The following GGT1 variants were observed in gnomAD, a reference collection of about 807,000 sequenced individuals.
The protein encoded by GGT1 is glutathione hydrolase 1 proenzyme.
Under a neutral mutation model 56.0 loss-of-function variants are expected in GGT1, and 21 were observed. The ratio of observed to expected loss-of-function variants is 0.38; its 90% CI spans 0.27 to 0.54. GGT1 has a LOEUF of 0.54. Among genes scored for constraint, GGT1 ranks in the 20% least tolerant of loss-of-function variants. GGT1 has a pLI of 0.82. For synonymous variants in GGT1, 238 were observed against 342.6 expected (o/e 0.69, Z 3.37); for missense variants, 466 against 787.0 (o/e 0.59, Z 4.88).
chr22:24,619,484 G>A (rs776902351), intron 7 of GGT1, among the ~76,000 whole-genome samples: 1 of 151,922 alleles, frequency 6.6e-6, no homozygotes, highest in African/African-American at 2.4e-5. Flanking sequence ...TAGGAGGATC[G>A]CTTGAGCCTG....
the GGT1 span, chr22:24,585,858 A>G: frequency 1.3e-6 from 2 of 1,538,746 alleles, no homozygotes; most frequent in Non-Finnish European, 1.7e-6. Flanking sequence ...ATCACAAGTC[A>G]GTAGCAATGA....
rs1402689250 is a variant in GGT1, at chr22:24,596,373, G to C, written c.-324+1487G>C. On this transcript the variant is annotated intron_variant, in intron 1 of 6. Transcript: ENST00000411974. ...GTCTCTTCAGCTTCTGGTGGCTCCT[G>C]GCAATCCTTGGCCTTCCTTGGCTGC... is the stretch of plus-strand genomic sequence containing the variant. 3.3e-5 allele frequency among the ~76,000 whole-genome samples: 5 copies of C among 152,318 alleles called. No individual in the cohort carries two copies. The East Asian group carries it at 7.7e-4, about 24-fold the overall frequency.
At chr22:24,618,941 A>G (rs1037636714) in intron 7 of GGT1, among the ~76,000 whole-genome samples, 9 of 152,116 alleles carry the variant, frequency 5.9e-5, no homozygotes, top group African/African-American at 2.2e-4. Flanking sequence ...TGTGTTTCCA[A>G]TGACCTCCTC....
intron 1 of GGT1, among the ~76,000 whole-genome samples, chr22:24,606,616 G>A (rs1398952010): frequency 6.6e-6 from 1 of 152,162 alleles, no homozygotes; most frequent in Non-Finnish European, 1.5e-5. Flanking sequence ...TCACGGGGAG[G>A]AATAGCCTGG....
Position 24,628,283 on chromosome 22 carries a change from C to G in GGT1, c.1458C>G (p.Ile486Met), listed in dbSNP as rs1407760116. 6.2e-7 allele frequency: 1 copy of G among 1,611,854 alleles called. No homozygotes were observed. The highest frequency in any genetic ancestry group is 1.3e-5 in the African/African-American group (1 of 74,824). The change falls in exon 15 of 16, where the codon ATC (isoleucine) becomes ATG (methionine). Residue 486 changes from isoleucine (I) to methionine (M), a missense_variant. Around this residue, in one of 2 missense-constraint regions of GGT1, gnomAD observed 456 missense variants for 716.7 expected, o/e 0.64. Transcript: ENST00000400382. The surrounding 1 kb of genome is among the most constrained non-coding windows in gnomAD (Gnocchi z 5.7). ...QITTATALAI[I>M]YNLWFGYDVK... Reference sequence around the variant, plus strand: ...ACACTCCCATGCCCCAGGCCATCATCTACAACCTCTGGTTCGGCTATGACG... The same window carrying G: ...ACACTCCCATGCCCCAGGCCATCATGTACAACCTCTGGTTCGGCTATGACG...
rs1282147356 is a variant in GGT1 at position 24,620,686 on chromosome 22, C to T, written c.575+166C>T. 2.4e-5 allele frequency: 35 copies of T among 1,457,402 alleles called. No individual in the cohort carries two copies. The highest frequency in any genetic ancestry group is 2.9e-5 in the Non-Finnish European group (32 of 1,102,708). 90.3% of individuals were successfully genotyped at this position (1,457,402 alleles called of 1,614,324 possible). On this transcript the variant is annotated intron_variant, in intron 8 of 15. Coordinates refer to ENST00000400382, the MANE Select transcript of GGT1 (RefSeq NM_001288833.2). This position sits in a 1 kb window ranked among gnomAD's most constrained non-coding sequence, Gnocchi z 5.6. ...ACCACGTGTGGGGACACATTCTGAG[C>T]GTGGGGTCCCAGTGGCCACTGTGGC... is the stretch of plus-strand genomic sequence containing the variant.
At chr22:24,621,965 G>T (rs866896870) in intron 9 of GGT1, among the ~76,000 whole-genome samples, 1 of 151,158 alleles carries the variant, frequency 6.6e-6, no homozygotes, top group African/African-American at 2.4e-5. Flanking sequence ...CAGGAGAATC[G>T]CTAGAACCTG....
upstream of GGT1, among the ~76,000 whole-genome samples, chr22:24,598,935 AT>A (rs1163093596): frequency 1.3e-5 from 2 of 151,898 alleles, no homozygotes; most frequent in African/African-American, 4.8e-5. Flanking sequence ...TTTTAAAAAA[AT>A]TAATTAAGAA....
At chr22:24,605,154 T>G (rs190683719) in intron 1 of GGT1, among the ~76,000 whole-genome samples, 33 of 3,010 alleles carry the variant, frequency 0.011, 12 homozygotes, top group Admixed American at 0.025. Context: ...ATAATATGTA[T>G]TATATTATAT....
At chr22:24,626,418 C>T (rs1222438281) in intron 11 of GGT1, among the ~76,000 whole-genome samples, 2 of 127,960 alleles carry the variant, frequency 1.6e-5, no homozygotes, top group African/African-American at 3.1e-5. Flanking sequence ...TGGCCAGGCT[C>T]ATGGCATCCA....
intron 1 of GGT1, among the ~76,000 whole-genome samples, chr22:24,603,836 G>T (rs558676268): frequency 1.3e-5 from 2 of 152,108 alleles, no homozygotes; most frequent in East Asian, 3.9e-4. Context: ...GGCCATGCTT[G>T]CCTCGCTCCT....
the GGT1 span, among the ~76,000 whole-genome samples, chr22:24,587,173 T>C: frequency 6.6e-6 from 1 of 152,174 alleles, no homozygotes; most frequent in Non-Finnish European, 1.5e-5. Flanking sequence ...GGAGAAATTC[T>C]CCTACAAAGG....
chr22:24,596,188 TTGGATG>T, intron 1 of GGT1, among the ~76,000 whole-genome samples: 1 of 152,320 alleles, frequency 6.6e-6, no homozygotes, highest in East Asian at 1.9e-4. Context: ...CTGCCACTTG[TTGGATG>T]TGTAACCATA....
intron 1 of GGT1, among the ~76,000 whole-genome samples, chr22:24,606,709 C>T (rs1288438805): frequency 6.6e-6 from 1 of 152,090 alleles, no homozygotes; most frequent in African/African-American, 2.4e-5. Context: ...GTCCAGAGCC[C>T]ATTTGAGAGC....
chr22:24,615,071 T>A lies in GGT1; in HGVS notation c.326T>A (p.Val109Glu). 1 of 1,612,090 alleles carries A rather than the reference T, an allele frequency of 6.2e-7. No homozygotes were observed. The highest frequency in any genetic ancestry group is 1.3e-5 in the African/African-American group (1 of 75,002). The change falls in exon 7 of 16, where the codon GTG becomes GAG. Residue 109 changes from valine to glutamate, a missense_variant. Around this residue, in one of 2 missense-constraint regions of GGT1, gnomAD observed 456 missense variants for 716.7 expected, o/e 0.64. Coordinates refer to ENST00000400382, the MANE Select transcript of GGT1 (RefSeq NM_001288833.2). Reference protein sequence around the residue: ...RKAEVINAREVAPRLAFATMF... With the variant: ...RKAEVINAREEAPRLAFATMF... ...GCTGAGGTCATCAACGCCCGCGAGGTGGCCCCCAGGCTGGCCTTTGCCACC... is the reference window on the plus strand; with the variant it reads ...GCTGAGGTCATCAACGCCCGCGAGGAGGCCCCCAGGCTGGCCTTTGCCACC...
At chr22:24,612,601 G>A (rs5760497) in intron 5 of GGT1, among the ~76,000 whole-genome samples, 65,466 of 151,380 alleles carry the variant, frequency 0.43, 15,824 homozygotes, top group African/African-American at 0.67. Flanking sequence ...ATCTCGGCTC[G>A]CTGCAACCTC....
chr22:24,592,652 C>T, upstream of GGT1: 2 of 787,170 alleles, frequency 2.5e-6, no homozygotes. Flanking sequence ...ACCCAGCCCT[C>T]ACTCCAGGCG....
the GGT1 span, among the ~76,000 whole-genome samples, chr22:24,584,580 C>T: frequency 4.0e-4 from 61 of 152,256 alleles, no homozygotes; most frequent in Middle Eastern, 0.01. Flanking sequence ...ATGGATGCGC[C>T]GCTTACAGTC....
upstream of GGT1, among the ~76,000 whole-genome samples, chr22:24,593,886 A>G (rs2045642914): frequency 6.6e-6 from 1 of 152,124 alleles, no homozygotes; most frequent in African/African-American, 2.4e-5. Flanking sequence ...GCAAATATTT[A>G]CTGCCTCCTG....
Sources: allele counts gnomAD v4.1 joint callset (sites outside exome capture counted in the v4.1 genomes callset), GRCh38; gene constraint gnomAD v4.1.1; regional missense constraint gnomAD v4.1.1; non-coding constraint Gnocchi (gnomAD v3.1); transcripts MANE v1.5; gene names NCBI Gene and HGNC (gene_info 2026-07-23, HGNC 2026-07-21).